Variants in INTS10 observed in about 807,000 individuals in gnomAD.
INTS10 encodes chromosome 8 open reading frame 35.
INTS10 carries 44 observed loss-of-function variants against 94.4 expected under a neutral mutation model. That is an observed-to-expected ratio of 0.47 (90% CI 0.37 to 0.60). The LOEUF is 0.60. INTS10 is among the 20% of genes least tolerant of loss of function. The pLI is 0.00. For synonymous variants in INTS10, 341 were observed against 320.7 expected, an observed-to-expected ratio of 1.06 and a Z score of -0.68; for missense variants, 797 against 868.7, an observed-to-expected ratio of 0.92 and a Z score of 1.04.
At chr8:19,817,721 G>T (rs2066033106) in intron 1 of INTS10, 55 bp downstream of exon 1, 8 of 1,553,700 alleles carry the variant, frequency 5.1e-6, no homozygotes, top group Non-Finnish European at 7.0e-6. Flanking sequence ...CGCTCCCGTC[G>T]CCCGGGCTGC....
At chr8:19,821,594 G>A (rs1217774666) in intron 4 of INTS10, 2 of 152,110 alleles carry the variant, frequency 1.3e-5, no homozygotes, top group African/African-American at 2.4e-5. Context: ...GATTACAGGT[G>A]TGTGTACATG....
chr8:19,834,793 T>C (rs1304822935), intron 12 of INTS10, among the ~76,000 whole-genome samples: 1 of 151,948 alleles, frequency 6.6e-6, no homozygotes, highest in Non-Finnish European at 1.5e-5. Context: ...TACCATAAAG[T>C]GGGAGGCTTG....
intron 9 of INTS10, among the ~76,000 whole-genome samples, chr8:19,829,753 C>T (rs937299133): frequency 6.6e-6 from 1 of 152,190 alleles, no homozygotes; most frequent in Non-Finnish European, 1.5e-5. Context: ...ACTGCAACCT[C>T]TGCCTCCCGG....
intron 10 of INTS10, among the ~76,000 whole-genome samples, chr8:19,830,978 C>A (rs892433704): frequency 6.6e-6 from 1 of 152,156 alleles, no homozygotes; most frequent in Admixed American, 6.5e-5. Context: ...AGCCATATTG[C>A]TGTTTTTATC....
At chr8:19,818,120 A>G (rs1317130590) in intron 1 of INTS10, 155 bp from the exon 2 acceptor site, 3 of 736,908 alleles carry the variant, frequency 4.1e-6, no homozygotes, top group Non-Finnish European at 7.3e-6. Flanking sequence ...CTCTAAGCCC[A>G]ATGGCAAGTC....
intron 16 of INTS10, among the ~76,000 whole-genome samples, chr8:19,848,543 C>G (rs1437977131): frequency 6.6e-6 from 1 of 152,180 alleles, no homozygotes. Flanking sequence ...GAGGTGATCA[C>G]CAGCTAATAC....
chr8:19,851,020 G>A lies in INTS10; in HGVS notation c.1977-629G>A, dbSNP rs752279293. ...CTCTCCTGACCTGTGCCACATTCTT[G>A]TGTCAGGACCCCACCTCCCGCTGCG... On this transcript the variant is annotated intron_variant, in intron 16 of 16. Coordinates refer to ENST00000397977, the MANE Select transcript of INTS10 (RefSeq NM_018142.4). The surrounding 1 kb of genome is among the most constrained non-coding windows in gnomAD (Gnocchi z 5.0). Among the ~76,000 whole-genome samples the A allele has an allele frequency of 3.3e-5, 5 of 152,126 alleles. No individual in the cohort carries two copies. The highest frequency in any genetic ancestry group is 7.4e-5 in the Non-Finnish European group (5 of 68,022).
chr8:19,837,334 T>G, intron 13 of INTS10, 174 bp downstream of exon 13: 1 of 576,322 alleles, frequency 1.7e-6, no homozygotes, highest in Non-Finnish European at 3.1e-6. Context: ...TTAAAAAATT[T>G]TAAAAAGAAA....
chr8:19,850,463 C>T (rs1196852463), intron 16 of INTS10, among the ~76,000 whole-genome samples: 1 of 149,456 alleles, frequency 6.7e-6, no homozygotes, highest in Non-Finnish European at 1.5e-5. Context: ...TCTGTGATAG[C>T]TTTACTTATC....
At chr8:19,841,078 AC>A (rs1403764644) in intron 13 of INTS10, among the ~76,000 whole-genome samples, 1 of 152,188 alleles carries the variant, frequency 6.6e-6, no homozygotes, top group Non-Finnish European at 1.5e-5. Flanking sequence ...GACCAGTGGA[AC>A]AGCATAGAAA....
At chr8:19,830,680 TC>T in intron 10 of INTS10, 121 bp downstream of exon 10, 1 of 975,244 alleles carries the variant, frequency 1.0e-6, no homozygotes, top group Non-Finnish European at 1.5e-6. Context: ...ATTTTTTTTT[TC>T]TTGTTTTGAG....
chr8:19,842,914 T>C lies in INTS10; in HGVS notation c.1706T>C (p.Leu569Ser). The C allele has an allele frequency of 6.2e-7, 1 of 1,608,256 alleles. No individual in the cohort carries two copies. Among genetic ancestry groups the C allele is most frequent in the Non-Finnish European group, 8.5e-7 (1 of 1,174,834 alleles). The change falls in exon 14 of 17, where the codon TTA becomes TCA. Residue 569 changes from leucine (L) to serine (S), a missense_variant. Transcript: ENST00000397977. ...ATGCCATACTGCCTCCATTTAATGT[T>C]AGCCTGTTTTAAGGTAAGCTTAAAG... ...AIMPYCLHLMLACFKLRAFTD... is the reference protein window; with the variant it reads ...AIMPYCLHLMSACFKLRAFTD...
intron 2 of INTS10, 66 bp from the exon 3 acceptor site, chr8:19,819,507 C>T (rs545972261): frequency 8.7e-5 from 108 of 1,237,672 alleles, no homozygotes; most frequent in Non-Finnish European, 1.0e-4. Flanking sequence ...CAAATGCTAA[C>T]GTTTTTTCTT....
chr8:19,817,548 A>G lies in INTS10; in HGVS notation c.11A>G (p.Gln4Arg), dbSNP rs1263310532. The G allele has an allele frequency of 6.2e-7, 1 of 1,608,010 alleles. No homozygotes were observed. Among genetic ancestry groups the G allele is most frequent in the South Asian group, 1.1e-5 (1 of 89,980 alleles). ...GAGAGCGCTCGGGTCATGTCTGCCC[A>G]GGGGGACTGCGAGTTCCTGGTGCAG... MSA[Q>R]GDCEFLVQRA... Residue 4 changes from glutamine (Q) to arginine (R), a missense_variant, in exon 1 of 17, where the codon CAG (glutamine) becomes CGG (arginine). Physicochemically the swap from Gln to Arg is conservative, Grantham distance 43 (BLOSUM62 1). Coordinates refer to ENST00000397977, the MANE Select transcript of INTS10 (RefSeq NM_018142.4).
rs1343315014 is a variant in INTS10 at position 19,844,252 on chromosome 8, T to G, written c.1882+14T>G. On this transcript the variant is annotated intron_variant, in intron 15 of 16. Transcript: ENST00000397977. ...ATTACGTTACAAGTATCCTTTTTTC[T>G]TGTTTAAGCATAACACATTCTGATT... 1 of 1,567,278 alleles carries G rather than the reference T, an allele frequency of 6.4e-7. No individual in the cohort carries two copies. Among genetic ancestry groups the G allele is most frequent in the South Asian group, 1.1e-5 (1 of 89,564 alleles).
rs1442505297 is a variant in INTS10, at chr8:19,833,055, A to G, written c.1378-114A>G. The G allele has an allele frequency of 1.9e-5, 15 of 801,990 alleles. No individual in the cohort carries two copies. The East Asian group carries it at 4.4e-4, about 24-fold the overall frequency. The allele number at this position is 801,990 out of a possible 1,614,324, so 49.7% of individuals were successfully genotyped here. ...CTTCCTCAGATGATCAAACCAAGCT[A>G]CCGTCTTTGTATAGTTGCTTGCTCG... On this transcript the variant is annotated intron_variant, in intron 11 of 16. Transcript: ENST00000397977.
At chr8:19,848,875 C>A (rs1029461537) in intron 16 of INTS10, 2 of 189,898 alleles carry the variant, frequency 1.1e-5, no homozygotes, top group Admixed American at 1.1e-4. Flanking sequence ...TTCCATCATC[C>A]TCTTCCTCAC....
intron 9 of INTS10, among the ~76,000 whole-genome samples, chr8:19,829,232 G>T (rs1195612825): frequency 6.6e-6 from 1 of 152,174 alleles, no homozygotes; most frequent in Non-Finnish European, 1.5e-5. Context: ...ATTTTTAAAT[G>T]ATCTTAGTGG....
At chr8:19,827,414 GCTGT>G (rs1210544729) in intron 9 of INTS10, among the ~76,000 whole-genome samples, 1 of 152,234 alleles carries the variant, frequency 6.6e-6, no homozygotes, top group Admixed American at 6.5e-5. Context: ...CATCCTCCTT[GCTGT>G]CTGTTTTTTC....
Sources: gnomAD v4.1 joint callset for allele counts (sites outside exome capture counted in the v4.1 genomes callset) on GRCh38, gnomAD v4.1.1 for gene constraint, Gnocchi (gnomAD v3.1) non-coding constraint, MANE v1.5 for transcripts, NCBI Gene and HGNC (gene_info 2026-07-23, HGNC 2026-07-21) for gene names.